The following EGF variants were observed in gnomAD, a reference collection of about 807,000 sequenced individuals.
The protein encoded by EGF is epidermal growth factor, also known as pro-epidermal growth factor.
Under a neutral mutation model 143.8 loss-of-function variants are expected in EGF, and 95 were observed. That is an observed-to-expected ratio of 0.66 (90% CI 0.56 to 0.78). The LOEUF (loss-of-function observed/expected upper bound fraction) is 0.78. Ranked by LOEUF, EGF falls within the 30% of genes least tolerant of loss-of-function variation. The pLI is 0.00. For synonymous variants in EGF, 510 were observed against 510.5 expected (o/e 1.00, Z 0.01); for missense variants, 1,320 against 1,470.9 (o/e 0.90, Z 1.68).
chr4:109,954,738 A>AAC (rs1744526114), intron 5 of EGF, among the ~76,000 whole-genome samples: 1 of 152,222 alleles, frequency 6.6e-6, no homozygotes, highest in Admixed American at 6.5e-5. Flanking sequence ...CATAAATATA[A>AAC]ACACACACAC....
At chr4:109,988,287 T>G (rs1750444148) in intron 17 of EGF, among the ~76,000 whole-genome samples, 1 of 151,778 alleles carries the variant, frequency 6.6e-6, no homozygotes, top group Admixed American at 6.6e-5. Context: ...ATTAATAGCC[T>G]CAAAATTATA....
intron 1 of EGF, among the ~76,000 whole-genome samples, chr4:109,940,395 C>A (rs1352368090): frequency 6.6e-6 from 1 of 152,118 alleles, no homozygotes; most frequent in Non-Finnish European, 1.5e-5. Flanking sequence ...ATAACAGGGT[C>A]AAAATATTTC....
chr4:109,926,582 C>T (rs566208204), intron 1 of EGF, among the ~76,000 whole-genome samples: 3 of 152,110 alleles, frequency 2.0e-5, no homozygotes, highest in Non-Finnish European at 2.9e-5. Flanking sequence ...TGGTCTCGAT[C>T]TCCTGACCTC....
intron 11 of EGF, among the ~76,000 whole-genome samples, chr4:109,972,965 CA>C (rs1747894378): frequency 6.6e-6 from 1 of 152,160 alleles, no homozygotes; most frequent in Admixed American, 6.5e-5. Flanking sequence ...ACATTGCCCT[CA>C]AGAGCAAGGT....
intron 10 of EGF, among the ~76,000 whole-genome samples, chr4:109,965,484 A>G (rs945727648): frequency 6.6e-5 from 10 of 152,164 alleles, no homozygotes; most frequent in Admixed American, 3.9e-4. Context: ...ATATGGTTCC[A>G]TAGAACAGTT....
At chr4:109,924,226 C>T (rs1180101819) in intron 1 of EGF, among the ~76,000 whole-genome samples, 1 of 151,548 alleles carries the variant, frequency 6.6e-6, no homozygotes, top group Admixed American at 6.6e-5. Context: ...GAGAATATAG[C>T]TCAGGACCCT....
At chr4:110,008,063 C>T (rs187592490) in intron 22 of EGF, 89 bp from the exon 23 acceptor site, 13 of 1,208,918 alleles carry the variant, frequency 1.1e-5, no homozygotes, top group Middle Eastern at 2.0e-4. Flanking sequence ...GGATGAACAT[C>T]GTAAAGCCAT....
intron 5 of EGF, among the ~76,000 whole-genome samples, chr4:109,948,947 A>G (rs1434022843): frequency 6.6e-6 from 1 of 152,266 alleles, no homozygotes; most frequent in East Asian, 1.9e-4. Flanking sequence ...GAAAAATCAT[A>G]TAATCTGGTT....
intron 5 of EGF, 116 bp downstream of exon 5, chr4:109,945,391 A>G (rs1560669526): frequency 6.7e-6 from 6 of 891,638 alleles, no homozygotes; most frequent in South Asian, 5.7e-5. Context: ...CAACCCTCAT[A>G]TATTCTTAGT....
intron 1 of EGF, 51 bp from the exon 2 acceptor site, chr4:109,940,895 A>G (rs1321679823): frequency 1.3e-6 from 2 of 1,557,854 alleles, no homozygotes; most frequent in East Asian, 2.2e-5. Context: ...TTTTGTTTAA[A>G]TGAGATAAAA....
At chr4:109,936,535 C>G (rs557780529) in intron 1 of EGF, among the ~76,000 whole-genome samples, 1 of 152,250 alleles carries the variant, frequency 6.6e-6, no homozygotes, top group Non-Finnish European at 1.5e-5. Context: ...TTTCATATCT[C>G]TATCTCCTTC....
chr4:109,955,893 G>A (rs1744714798), intron 5 of EGF, among the ~76,000 whole-genome samples: 2 of 152,136 alleles, frequency 1.3e-5, no homozygotes, highest in Admixed American at 1.3e-4. Context: ...TAATTGTGGT[G>A]GTGACAATGG....
Position 110,011,390 on chromosome 4 carries a change from T to G in EGF, c.3559T>G (p.Ser1187Ala), listed in dbSNP as rs147438264. The G allele has an allele frequency of 6.2e-7, 1 of 1,613,970 alleles. No individual in the cohort carries two copies. The highest frequency in any genetic ancestry group is 8.5e-7 in the Non-Finnish European group (1 of 1,180,012). ...GGVEKPHSLL[S>A]ANPLWQQRAL... ...TGTCGAGAAGCCCCATTCTCTCCTA[T>G]CAGCTAACCCATTATGGCAACAAAG... is the stretch of plus-strand genomic sequence containing the variant. Residue 1187 changes from serine to alanine, a missense_variant, in exon 24 of 24, where the codon TCA becomes GCA. Ser to Ala is a moderately conservative substitution (Grantham distance 99). Around this residue, in one of 5 missense-constraint regions of EGF, gnomAD observed 1,186 missense variants for 1,313.7 expected, o/e 0.90. Coordinates refer to ENST00000265171, the MANE Select transcript of EGF (RefSeq NM_001963.6).
At chr4:110,003,308 A>T (rs1383210285) in intron 21 of EGF, among the ~76,000 whole-genome samples, 1 of 152,194 alleles carries the variant, frequency 6.6e-6, no homozygotes, top group Non-Finnish European at 1.5e-5. Context: ...CCTTTTCTCC[A>T]AAATTTCATG....
At position 109,913,339 on chromosome 4, in the gene EGF, C is replaced by A. The variant is rs764839108; in HGVS notation, c.4C>A (p.Leu2Met). 4 of 1,613,774 alleles carry A rather than the reference C, an allele frequency of 2.5e-6. No individual in the cohort carries two copies. Among genetic ancestry groups the A allele is most frequent in the Non-Finnish European group, 3.4e-6 (4 of 1,179,788 alleles). M[L>M]LTLIILLPVV... Reference sequence around the variant, plus strand: ...AAAGTTCAAACTCATCAAGATTATGCTGCTCACTCTTATCATTCTGTTGCC... The same window carrying A: ...AAAGTTCAAACTCATCAAGATTATGATGCTCACTCTTATCATTCTGTTGCC... Residue 2 changes from leucine (L) to methionine (M), a missense_variant, in exon 1 of 24, where the codon CTG becomes ATG. This residue lies in a region of EGF where 79 missense variants were observed against 71.2 expected (regional missense o/e 1.11). Transcript: ENST00000265171.
chr4:109,937,241 G>A (rs779144491), intron 1 of EGF, among the ~76,000 whole-genome samples: 25 of 152,036 alleles, frequency 1.6e-4, no homozygotes, highest in African/African-American at 5.1e-4. Flanking sequence ...ATATAATTAG[G>A]CTACTTAGTT....
chr4:109,991,656 T>G (rs1750956535), intron 18 of EGF, among the ~76,000 whole-genome samples: 1 of 152,242 alleles, frequency 6.6e-6, no homozygotes. Context: ...TATAGTTTAT[T>G]CTTATATAAA....
intron 12 of EGF, 80 bp downstream of exon 12, chr4:109,974,887 A>G: frequency 9.3e-7 from 1 of 1,079,762 alleles, no homozygotes; most frequent in Non-Finnish European, 1.4e-6. Flanking sequence ...GTCCAAAACC[A>G]GAAACCAAGA....
rs971781086 is a variant in EGF at position 110,011,663 on chromosome 4, T to A, written c.*208T>A. ...CAGTCTTATTTCCAAGTAAGAGTAC[T>A]GGGAGAATCACTAGGTAACTTATTA... On this transcript the variant is annotated 3_prime_UTR_variant, in exon 24 of 24. Transcript: ENST00000265171. 1 of 739,474 alleles carries A rather than the reference T, an allele frequency of 1.4e-6. No homozygotes were observed. The highest frequency in any genetic ancestry group is 2.1e-6 in the Non-Finnish European group (1 of 467,572). The allele number at this position is 739,474 out of a possible 1,614,324, so 45.8% of individuals were successfully genotyped here. A position where few individuals can be genotyped will look rare whatever the true frequency, so the allele number is the denominator to read the frequency against.
Sources: allele counts gnomAD v4.1 joint callset (sites outside exome capture counted in the v4.1 genomes callset), GRCh38; gene constraint gnomAD v4.1.1; regional missense constraint gnomAD v4.1.1; transcripts MANE v1.5; gene names NCBI Gene and HGNC (gene_info 2026-07-23, HGNC 2026-07-21).